The following PTPRA variants were observed in gnomAD, a reference collection of about 807,000 sequenced individuals.
PTPRA encodes the protein receptor-type tyrosine-protein phosphatase alpha.
A neutral mutation model predicts 104.8 loss-of-function variants in PTPRA; 25 were observed. The observed-to-expected ratio is 0.24, with a 90% CI of 0.17 to 0.33. The LOEUF is 0.33. Ranked by LOEUF, PTPRA falls within the 10% of genes least tolerant of loss-of-function variation. The pLI is 1.00. For missense variants in PTPRA, 765 were observed against 1,015.3 expected (o/e 0.75, Z 3.35); for synonymous variants, 323 against 368.9 (o/e 0.88, Z 1.43).
At chr20:2,969,831 G>A (rs1011021291) in intron 5 of PTPRA, among the ~76,000 whole-genome samples, 1 of 151,822 alleles carries the variant, frequency 6.6e-6, no homozygotes, top group Non-Finnish European at 1.5e-5. Context: ...TTAGCTGGGC[G>A]TGGTGGCAGG....
chr20:2,982,325 G>A (rs1020346696), intron 6 of PTPRA, among the ~76,000 whole-genome samples: 1 of 152,030 alleles, frequency 6.6e-6, no homozygotes, highest in Non-Finnish European at 1.5e-5. Context: ...CTGACCTTGT[G>A]ATCCACCCGC....
At chr20:2,944,999 T>A (rs1232294854) in intron 2 of PTPRA, among the ~76,000 whole-genome samples, 3 of 152,216 alleles carry the variant, frequency 2.0e-5, no homozygotes, top group Non-Finnish European at 4.4e-5. Context: ...GTAGGTTAGA[T>A]CATTTCATTG....
chr20:3,024,614 A>C lies in PTPRA; in HGVS notation c.1607A>C (p.Glu536Ala). ...ACCAGCAACAATGGATTAGAGGAGG[A>C]GTTTAAGGTGAGTTGGAGCTGGATA... is the stretch of plus-strand genomic sequence containing the variant. ...PGTSNNGLEE[E>A]FKKLTSIKIQ... The change falls in exon 17 of 24, where the codon GAG (glutamate) becomes GCG (alanine). Residue 536 changes from glutamate (E) to alanine (A), a missense_variant. Transcript: ENST00000399903. 2 of 1,614,144 alleles carry C rather than the reference A, an allele frequency of 1.2e-6. No individual in the cohort carries two copies. The highest frequency in any genetic ancestry group is 1.7e-6 in the Non-Finnish European group (2 of 1,180,020).
intron 1 of PTPRA, among the ~76,000 whole-genome samples, chr20:2,882,781 A>G (rs1279414853): frequency 5.9e-5 from 9 of 152,204 alleles, no homozygotes. Context: ...TTGACTGAAC[A>G]AAAGAATGAA....
At chr20:2,908,733 T>A (rs558226296) in intron 1 of PTPRA, among the ~76,000 whole-genome samples, 15 of 152,026 alleles carry the variant, frequency 9.9e-5, no homozygotes, top group African/African-American at 3.6e-4. Context: ...TCTCTAGTTT[T>A]AAAAAAATAC....
At chr20:2,965,997 C>CA (rs2061931744) in intron 5 of PTPRA, among the ~76,000 whole-genome samples, 1 of 152,144 alleles carries the variant, frequency 6.6e-6, no homozygotes, top group Non-Finnish European at 1.5e-5. Flanking sequence ...CCTTTTCTAG[C>CA]AAAAATCACT....
chr20:3,035,703 A>C lies in PTPRA; in HGVS notation c.2039A>C (p.Asn680Thr). 1.2e-6 allele frequency: 2 copies of C among 1,614,212 alleles called. No individual in the cohort carries two copies. Among genetic ancestry groups the C allele is most frequent in the Non-Finnish European group, 1.7e-6 (2 of 1,180,030 alleles). ...SYTVRDLLVT[N>T]TRENKSRQIR... ...ACCGTCCGAGACCTCCTGGTCACCA[A>C]CACCAGGGTAAGATGGGTCGTGGGT... is the stretch of plus-strand genomic sequence containing the variant. The change falls in exon 21 of 24, where the codon AAC becomes ACC. Residue 680 changes from asparagine (N) to threonine (T), a missense_variant. This residue lies in a region of PTPRA where 192 missense variants were observed against 227.0 expected (regional missense o/e 0.85). Transcript: ENST00000399903. This position sits in a 1 kb window ranked among gnomAD's most constrained non-coding sequence, Gnocchi z 5.8.
At position 2,950,818 on chromosome 20, in the gene PTPRA, A is replaced by G. The variant is rs976744463; in HGVS notation, c.-7+2794A>G. Among the ~76,000 whole-genome samples the G allele has an allele frequency of 6.6e-6, 1 of 152,160 alleles. No individual in the cohort carries two copies. The highest frequency in any genetic ancestry group is 2.4e-5 in the African/African-American group (1 of 41,444). ...AAACAACTTTATAATTGATGTAACA[A>G]TAACCTGTACACATTTAAAGTGTAA... On this transcript the variant is annotated intron_variant, in intron 3 of 23. Coordinates refer to ENST00000399903, the MANE Select transcript of PTPRA (RefSeq NM_001385305.1). This position sits in a 1 kb window ranked among gnomAD's most constrained non-coding sequence, Gnocchi z 4.0.
intron 6 of PTPRA, among the ~76,000 whole-genome samples, chr20:2,983,980 G>A (rs1353466565): frequency 6.6e-6 from 1 of 151,858 alleles, no homozygotes; most frequent in Non-Finnish European, 1.5e-5. Context: ...ATCTGGTGTT[G>A]GAAGAGGAAC....
chr20:2,901,014 C>T (rs1023937488), intron 1 of PTPRA, among the ~76,000 whole-genome samples: 4 of 151,996 alleles, frequency 2.6e-5, no homozygotes, highest in East Asian at 1.9e-4. Flanking sequence ...CTCTGTTGCC[C>T]AGGCTAGAGT....
At chr20:2,865,599 A>G in the PTPRA span, 1 of 1,051,088 alleles carries the variant, frequency 9.5e-7, no homozygotes, top group Non-Finnish European at 1.4e-6. This position sits in a 1 kb window ranked among gnomAD's most constrained non-coding sequence, Gnocchi z 5.2. Flanking sequence ...GCTCCTGTTC[A>G]GCTGCCCGCA....
intron 6 of PTPRA, among the ~76,000 whole-genome samples, chr20:2,980,193 T>A (rs1267472432): frequency 6.6e-6 from 1 of 152,088 alleles, no homozygotes; most frequent in East Asian, 1.9e-4. Flanking sequence ...ATTACAGGCG[T>A]GAGCCACCAT....
intron 1 of PTPRA, among the ~76,000 whole-genome samples, chr20:2,898,457 G>A (rs577720569): frequency 2.8e-4 from 43 of 151,546 alleles, no homozygotes; most frequent in African/African-American, 9.4e-4. Flanking sequence ...CAGGTGATCC[G>A]CCCGCCTTGG....
intron 2 of PTPRA, among the ~76,000 whole-genome samples, chr20:2,925,863 A>G (rs2060275678): frequency 6.6e-6 from 1 of 152,012 alleles, no homozygotes; most frequent in East Asian, 1.9e-4. Context: ...ATGTACAAAC[A>G]TCTGTTCGAG....
chr20:2,916,627 C>CTCGGGTGTTGAAGGCTGCAG (rs1253844542), intron 1 of PTPRA, among the ~76,000 whole-genome samples: 1 of 152,168 alleles, frequency 6.6e-6, no homozygotes, highest in East Asian at 1.9e-4. Context: ...ATGGCTTGAG[C>CTCGGGTGTTGAAGGCTGCAG]TCGGGTGTTG....
intron 1 of PTPRA, among the ~76,000 whole-genome samples, chr20:2,902,318 A>G (rs545965020): frequency 2.5e-4 from 38 of 152,334 alleles, no homozygotes; most frequent in Non-Finnish European, 4.6e-4. Flanking sequence ...ATCATGTGCA[A>G]TGGGCACATT....
intron 16 of PTPRA, 97 bp from the exon 17 acceptor site, chr20:3,024,375 A>G (rs1235390528): frequency 7.9e-7 from 1 of 1,263,160 alleles, no homozygotes. Context: ...GGATCAAAGG[A>G]GAAATGGACT....
intron 6 of PTPRA, among the ~76,000 whole-genome samples, chr20:2,979,717 G>C (rs992421773): frequency 1.4e-5 from 2 of 139,454 alleles, no homozygotes; most frequent in Non-Finnish European, 1.5e-5. Context: ...TGTTTGTTTG[G>C]TAGAGACAGA....
At chr20:2,868,104 G>A in the PTPRA span, among the ~76,000 whole-genome samples, 1 of 152,126 alleles carries the variant, frequency 6.6e-6, no homozygotes, top group East Asian at 1.9e-4. Context: ...TCTTCACTGG[G>A]ACCTTAGCTG....
Sources: allele counts gnomAD v4.1 joint callset (sites outside exome capture counted in the v4.1 genomes callset), GRCh38; gene constraint gnomAD v4.1.1; regional missense constraint gnomAD v4.1.1; non-coding constraint Gnocchi (gnomAD v3.1); transcripts MANE v1.5; gene names NCBI Gene and HGNC (gene_info 2026-07-23, HGNC 2026-07-21).